Variants in LARP4B observed in about 807,000 individuals in gnomAD.
LARP4B encodes the protein la-related protein 4B.
Under a neutral mutation model 89.8 loss-of-function variants are expected in LARP4B, and 12 were observed. That is an observed-to-expected ratio of 0.13 (90% CI 0.09 to 0.22). The LOEUF (loss-of-function observed/expected upper bound fraction) is 0.22, where lower values mean the gene tolerates loss of function less well. LARP4B is among the 10% of genes least tolerant of loss of function. The pLI, the probability that LARP4B is intolerant of heterozygous loss-of-function variation, is 1.00. For synonymous variants in LARP4B, 367 were observed against 363.3 expected (o/e 1.01, Z -0.12); for missense variants, 757 against 947.7 (o/e 0.80, Z 2.64).
intron 1 of LARP4B, among the ~76,000 whole-genome samples, chr10:926,886 A>T (rs950827479): frequency 1.3e-5 from 2 of 152,138 alleles, no homozygotes; most frequent in Admixed American, 1.3e-4. Flanking sequence ...AAGTACAAAA[A>T]TTAGCCGGGC....
intron 5 of LARP4B, among the ~76,000 whole-genome samples, chr10:851,090 CG>C (rs1834023067): frequency 6.7e-6 from 1 of 150,010 alleles, no homozygotes; most frequent in South Asian, 2.1e-4. Context: ...CCAAAGAAAT[CG>C]TAAGAGAGTA....
intron 3 of LARP4B, among the ~76,000 whole-genome samples, chr10:872,225 G>A (rs1037320054): frequency 6.6e-6 from 1 of 152,226 alleles, no homozygotes; most frequent in African/African-American, 2.4e-5. Context: ...TTCACAAGGT[G>A]CATGGCTGAA....
the LARP4B span, among the ~76,000 whole-genome samples, chr10:968,620 C>T: frequency 2.0e-5 from 3 of 152,206 alleles, no homozygotes; most frequent in African/African-American, 7.2e-5. Flanking sequence ...ATAGGATTTT[C>T]CTGAAAGCTC....
intron 5 of LARP4B, among the ~76,000 whole-genome samples, chr10:863,067 C>T (rs900216864): frequency 6.6e-6 from 1 of 152,180 alleles, no homozygotes; most frequent in African/African-American, 2.4e-5. Context: ...TGAATGGCTT[C>T]TAAGACTTGC....
chr10:920,015 C>A (rs1836936843), intron 1 of LARP4B, among the ~76,000 whole-genome samples: 1 of 152,182 alleles, frequency 6.6e-6, no homozygotes, highest in African/African-American at 2.4e-5. Flanking sequence ...ATATTTCAAT[C>A]TTTTAAAAAG....
chr10:864,783 G>A (rs1397326567), intron 3 of LARP4B, among the ~76,000 whole-genome samples: 1 of 152,120 alleles, frequency 6.6e-6, no homozygotes, highest in Non-Finnish European at 1.5e-5. Flanking sequence ...GAGAAACCTT[G>A]TCTCTACTAA....
intron 1 of LARP4B, chr10:903,096 T>C (rs1007837747): frequency 2.6e-5 from 4 of 152,226 alleles, no homozygotes; most frequent in Non-Finnish European, 2.9e-5. Flanking sequence ...AATGTCAACC[T>C]GGACAAACAA....
chr10:875,556 C>T (rs1329868985), intron 3 of LARP4B, among the ~76,000 whole-genome samples: 2 of 152,232 alleles, frequency 1.3e-5, no homozygotes, highest in Admixed American at 1.3e-4. Flanking sequence ...GCTGCTCTAA[C>T]AGAATACCTG....
upstream of LARP4B, among the ~76,000 whole-genome samples, chr10:934,371 G>A (rs1166748695): frequency 1.3e-5 from 2 of 152,004 alleles, no homozygotes; most frequent in East Asian, 3.9e-4. Flanking sequence ...TGTGGTGCAT[G>A]GCTGTGGTTC....
chr10:960,751 G>A, the LARP4B span, among the ~76,000 whole-genome samples: 1 of 145,556 alleles, frequency 6.9e-6, no homozygotes, highest in East Asian at 2.0e-4. Flanking sequence ...TGGAAGAGAG[G>A]GTCATTACCA....
chr10:863,018 G>C (rs1224054059), intron 5 of LARP4B, among the ~76,000 whole-genome samples: 1 of 152,048 alleles, frequency 6.6e-6, no homozygotes, highest in Non-Finnish European at 1.5e-5. Flanking sequence ...TTTTCTTCAT[G>C]TCACTCATTT....
intron 5 of LARP4B, among the ~76,000 whole-genome samples, chr10:855,827 G>A (rs1006654343): frequency 6.6e-6 from 1 of 152,224 alleles, no homozygotes; most frequent in East Asian, 1.9e-4. Context: ...AATGAAGCAA[G>A]CTCTGCTGAC....
the LARP4B span, among the ~76,000 whole-genome samples, chr10:948,558 G>A: frequency 2.0e-5 from 3 of 152,314 alleles, no homozygotes; most frequent in South Asian, 2.1e-4. Context: ...CAGTGGTCGC[G>A]TCTTGCACAA....
At chr10:855,868 C>T (rs965017999) in intron 5 of LARP4B, among the ~76,000 whole-genome samples, 4 of 152,188 alleles carry the variant, frequency 2.6e-5, no homozygotes, top group Middle Eastern at 3.2e-3. Flanking sequence ...GGAGTCAAAG[C>T]GGGCTAGCGC....
chr10:863,704 C>T, intron 5 of LARP4B, 39 bp downstream of exon 5: 1 of 1,553,044 alleles, frequency 6.4e-7, no homozygotes, highest in African/African-American at 1.4e-5. Context: ...TAAAGCAGCC[C>T]ATATTCCCTG....
chr10:850,566 TAGAC>T (rs1267278176), intron 5 of LARP4B, among the ~76,000 whole-genome samples: 11 of 152,128 alleles, frequency 7.2e-5, no homozygotes, highest in African/African-American at 2.7e-4. Context: ...ACAGAACAAG[TAGAC>T]AGAAATCAGA....
chr10:922,898 C>A (rs1485023471), intron 1 of LARP4B, among the ~76,000 whole-genome samples: 1 of 152,000 alleles, frequency 6.6e-6, no homozygotes, highest in African/African-American at 2.4e-5. Flanking sequence ...CATGGTGAAA[C>A]CCCGTCTCTA....
chr10:808,071 T>C (rs7071801), downstream of LARP4B: 55,561 of 152,150 alleles, frequency 0.37, 11,034 homozygotes, highest in South Asian at 0.48. Flanking sequence ...CAGACTTTGG[T>C]GGGTGGAGGC....
At chr10:895,599 G>A (rs1171214507) in intron 1 of LARP4B, among the ~76,000 whole-genome samples, 12 of 151,454 alleles carry the variant, frequency 7.9e-5, no homozygotes, top group Admixed American at 7.9e-4. Context: ...CTTGAATCCA[G>A]GAGGTGGAGA....
Sources: gnomAD v4.1 joint callset for allele counts (sites outside exome capture counted in the v4.1 genomes callset) on GRCh38, gnomAD v4.1.1 for gene constraint, MANE v1.5 for transcripts, NCBI Gene and HGNC (gene_info 2026-07-23, HGNC 2026-07-21) for gene names.